The following COL21A1 variants were observed in gnomAD, a reference collection of about 807,000 sequenced individuals.
COL21A1 encodes collagen alpha-1(XXI) chain.
COL21A1 carries 149 observed loss-of-function variants against 137.9 expected under a neutral mutation model. The ratio of observed to expected loss-of-function variants is 1.08; its 90% CI spans 0.95 to 1.24. COL21A1 has a LOEUF of 1.24. Among genes scored for constraint, COL21A1 ranks in the 50% most tolerant of loss-of-function variants. The probability of loss-of-function intolerance (pLI) is 0.00; values close to 1 mark genes in which losing one functional copy is unlikely to be tolerated. For missense variants in COL21A1, 1,167 were observed against 1,158.4 expected, an observed-to-expected ratio of 1.01 and a Z score of -0.11; for synonymous variants, 456 against 391.5, an observed-to-expected ratio of 1.16 and a Z score of -1.95.
intron 12 of COL21A1, among the ~76,000 whole-genome samples, chr6:56,128,548 T>C (rs1773235928): frequency 6.6e-6 from 1 of 152,216 alleles, no homozygotes; most frequent in Non-Finnish European, 1.5e-5. Context: ...AAGGATCTTC[T>C]ATGTCTCTAG....
At chr6:56,096,087 T>TCC (rs1162447232) in intron 17 of COL21A1, among the ~76,000 whole-genome samples, 2 of 151,898 alleles carry the variant, frequency 1.3e-5, no homozygotes, top group African/African-American at 4.8e-5. Flanking sequence ...CCTCAAGTAA[T>TCC]CCACCTGCCT....
chr6:56,213,716 A>G (rs1324118183), intron 1 of COL21A1, among the ~76,000 whole-genome samples: 1 of 152,100 alleles, frequency 6.6e-6, no homozygotes, highest in Non-Finnish European at 1.5e-5. Flanking sequence ...TGTGTACTAC[A>G]GAGCCCTTAA....
intron 7 of COL21A1, chr6:56,166,650 T>TCAAAA (rs1776601739): frequency 3.8e-6 from 2 of 531,814 alleles, no homozygotes. Context: ...AGACTCCAAA[T>TCAAAA]CAAAACAAAA....
intron 1 of COL21A1, among the ~76,000 whole-genome samples, chr6:56,355,293 C>T (rs1765805284): frequency 6.6e-6 from 1 of 152,086 alleles, no homozygotes; most frequent in African/African-American, 2.4e-5. Flanking sequence ...TCTAGAAACA[C>T]AGTGGACAGA....
chr6:56,354,592 A>C (rs1765790293), intron 1 of COL21A1, among the ~76,000 whole-genome samples: 1 of 152,182 alleles, frequency 6.6e-6, no homozygotes, highest in African/African-American at 2.4e-5. Flanking sequence ...AAAAATAATA[A>C]ATACAATGGC....
At chr6:56,242,920 C>T (rs548062493) in intron 1 of COL21A1, among the ~76,000 whole-genome samples, 1 of 152,224 alleles carries the variant, frequency 6.6e-6, no homozygotes, top group East Asian at 1.9e-4. Context: ...TTGTGCGTCT[C>T]TTTGTCAACA....
At chr6:56,146,383 T>C (rs934477194) in intron 10 of COL21A1, among the ~76,000 whole-genome samples, 2 of 152,166 alleles carry the variant, frequency 1.3e-5, no homozygotes, top group Non-Finnish European at 2.9e-5. Context: ...TATAGCTCTA[T>C]GCAATTAAAT....
chr6:56,334,455 C>CATT (rs1476024230), intron 1 of COL21A1, among the ~76,000 whole-genome samples: 2 of 152,104 alleles, frequency 1.3e-5, no homozygotes, highest in Non-Finnish European at 2.9e-5. Context: ...TTATAATTGG[C>CATT]ATTATTACTT....
At chr6:56,262,262 T>C (rs962416780) in intron 1 of COL21A1, among the ~76,000 whole-genome samples, 5 of 152,208 alleles carry the variant, frequency 3.3e-5, no homozygotes, top group African/African-American at 1.2e-4. Flanking sequence ...TAAATAATCC[T>C]TCTTCTCTCA....
intron 9 of COL21A1, among the ~76,000 whole-genome samples, chr6:56,158,344 C>A (rs1775946611): frequency 7.5e-6 from 1 of 133,732 alleles, no homozygotes; most frequent in Non-Finnish European, 1.5e-5. Flanking sequence ...GTGATCACAG[C>A]TCACTGTAGC....
chr6:56,240,940 C>A (rs1315051334), intron 1 of COL21A1, among the ~76,000 whole-genome samples: 1 of 152,154 alleles, frequency 6.6e-6, no homozygotes, highest in Non-Finnish European at 1.5e-5. Context: ...TACAAAAATA[C>A]AAAAGTTTGA....
At chr6:56,213,012 G>T (rs921472582) in intron 1 of COL21A1, among the ~76,000 whole-genome samples, 1 of 151,836 alleles carries the variant, frequency 6.6e-6, no homozygotes, top group Non-Finnish European at 1.5e-5. Context: ...AAGAGAGAAA[G>T]AAAAAATTAG....
intron 1 of COL21A1, among the ~76,000 whole-genome samples, chr6:56,226,935 C>T (rs980311284): frequency 3.3e-5 from 5 of 151,784 alleles, no homozygotes; most frequent in African/African-American, 9.7e-5. Context: ...TGTGGGATGG[C>T]TCGTATAGGG....
intron 1 of COL21A1, among the ~76,000 whole-genome samples, chr6:56,211,901 C>G (rs1000107778): frequency 6.6e-6 from 1 of 151,982 alleles, no homozygotes; most frequent in Non-Finnish European, 1.5e-5. Flanking sequence ...GTCAGCAATT[C>G]TAAGGAAGAG....
chr6:56,216,560 G>A (rs1780501255), intron 1 of COL21A1, among the ~76,000 whole-genome samples: 1 of 151,968 alleles, frequency 6.6e-6, no homozygotes, highest in Non-Finnish European at 1.5e-5. Flanking sequence ...ATTCCCATGG[G>A]AATCATCAAA....
intron 1 of COL21A1, among the ~76,000 whole-genome samples, chr6:56,359,076 T>C (rs1765904306): frequency 6.6e-6 from 1 of 152,250 alleles, no homozygotes; most frequent in African/African-American, 2.4e-5. Context: ...AAACTGACTA[T>C]AATTCACTTC....
intron 1 of COL21A1, among the ~76,000 whole-genome samples, chr6:56,375,119 A>G (rs2093996782): frequency 6.6e-6 from 1 of 152,216 alleles, no homozygotes; most frequent in African/African-American, 2.4e-5. Flanking sequence ...AGAGAACGCC[A>G]GAGCCAAAGG....
intron 10 of COL21A1, among the ~76,000 whole-genome samples, chr6:56,145,420 G>A (rs62413482): frequency 0.072 from 10,939 of 152,142 alleles, 440 homozygotes; most frequent in Middle Eastern, 0.12. Flanking sequence ...CAACATCCAA[G>A]CTGGGGGAAT....
chr6:56,141,667 T>A (rs1774418699), intron 12 of COL21A1, 118 bp downstream of exon 12: 1 of 1,081,264 alleles, frequency 9.2e-7, no homozygotes, highest in Non-Finnish European at 1.4e-6. Context: ...GACAAATTTC[T>A]GAGCCCACAA....
Sources: allele counts gnomAD v4.1 joint callset (sites outside exome capture counted in the v4.1 genomes callset), GRCh38; gene constraint gnomAD v4.1.1; transcripts MANE v1.5; gene names NCBI Gene and HGNC (gene_info 2026-07-23, HGNC 2026-07-21).